The following FAM13B variants were observed in gnomAD, a reference collection of about 807,000 sequenced individuals.
FAM13B encodes family with sequence similarity 13 member B.
FAM13B carries 60 observed loss-of-function variants against 117.3 expected under a neutral mutation model. The ratio of observed to expected loss-of-function variants is 0.51; its 90% CI spans 0.42 to 0.63. FAM13B has a LOEUF of 0.63. Ranked by LOEUF, FAM13B falls within the 30% of genes least tolerant of loss-of-function variation. FAM13B has a pLI of 0.00. For missense variants in FAM13B, 972 were observed against 1,091.9 expected (o/e 0.89, Z 1.55); for synonymous variants, 332 against 356.1 (o/e 0.93, Z 0.76).
At chr5:137,953,136 C>T (rs530758712) in intron 16 of FAM13B, among the ~76,000 whole-genome samples, 200 bp downstream of exon 16, 1 of 152,146 alleles carries the variant, frequency 6.6e-6, no homozygotes. Flanking sequence ...AAAGATGCCA[C>T]GGTGCAAATG....
chr5:137,988,386 G>T, intron 7 of FAM13B, 71 bp from the exon 8 acceptor site: 1 of 1,254,606 alleles, frequency 8.0e-7, no homozygotes. Flanking sequence ...GCTGAAATCT[G>T]CCATATTTGC....
At chr5:138,040,562 C>T (rs1478465763) in intron 1 of FAM13B, among the ~76,000 whole-genome samples, 2 of 150,580 alleles carry the variant, frequency 1.3e-5, no homozygotes, top group African/African-American at 2.4e-5. Flanking sequence ...ACGTAGACAC[C>T]GTCTCAAAAA....
At chr5:138,010,471 A>G (rs1040167762) in intron 6 of FAM13B, among the ~76,000 whole-genome samples, 14 of 152,226 alleles carry the variant, frequency 9.2e-5, no homozygotes, top group African/African-American at 3.1e-4. Context: ...TTAAAAGATT[A>G]TAATGTAACC....
intron 22 of FAM13B, chr5:137,942,358 TTTTA>T (rs955349054): frequency 6.9e-6 from 2 of 291,402 alleles, no homozygotes; most frequent in African/African-American, 2.2e-5. Context: ...AACTGTAGGA[TTTTA>T]TTTGTTTGTT....
chr5:137,966,486 TATAG>T (rs1316885782), intron 10 of FAM13B, among the ~76,000 whole-genome samples: 751 of 43,918 alleles, frequency 0.017, 1 homozygote, highest in African/African-American at 0.028. Flanking sequence ...TATATATATA[TATAG>T]AGAGAGAGAG....
At chr5:138,015,190 C>CA (rs1784967338) in intron 4 of FAM13B, among the ~76,000 whole-genome samples, 2 of 152,220 alleles carry the variant, frequency 1.3e-5, no homozygotes, top group East Asian at 1.9e-4. Context: ...CTCCCCATCA[C>CA]AAAAAATTAT....
chr5:138,030,717 C>G (rs934371686), intron 1 of FAM13B, among the ~76,000 whole-genome samples: 7 of 142,584 alleles, frequency 4.9e-5, no homozygotes, highest in African/African-American at 1.3e-4. Flanking sequence ...TCCGTCCCCC[C>G]CCCCCAAAAA....
chr5:138,051,462 G>A (rs1418135995), intron 1 of FAM13B, among the ~76,000 whole-genome samples: 1 of 152,172 alleles, frequency 6.6e-6, no homozygotes, highest in Non-Finnish European at 1.5e-5. Context: ...GGGACTTTAT[G>A]TATATTTTTA....
At chr5:138,002,664 ATT>A (rs70979561) in intron 7 of FAM13B, among the ~76,000 whole-genome samples, 4 of 120,306 alleles carry the variant, frequency 3.3e-5, no homozygotes, top group Non-Finnish European at 3.2e-5. Context: ...TGTTCCCTCT[ATT>A]TTTTTTTTTT....
At chr5:137,954,804 T>C (rs1475784330) in intron 14 of FAM13B, among the ~76,000 whole-genome samples, 1 of 151,978 alleles carries the variant, frequency 6.6e-6, no homozygotes, top group Non-Finnish European at 1.5e-5. Flanking sequence ...TTGTTGTTGG[T>C]AGAGACGAGG....
intron 10 of FAM13B, among the ~76,000 whole-genome samples, chr5:137,985,003 T>A (rs554541775): frequency 2.0e-5 from 3 of 152,114 alleles, no homozygotes; most frequent in African/African-American, 7.2e-5. Context: ...TCTCCTGACC[T>A]CATGATCTGC....
At chr5:138,037,509 T>A (rs1227210484), upstream of FAM13B, among the ~76,000 whole-genome samples, 2 of 151,670 alleles carry the variant, frequency 1.3e-5, no homozygotes, top group Non-Finnish European at 2.9e-5. Flanking sequence ...GAAGTAGCTG[T>A]CTCTGCAGTT....
At chr5:138,023,625 A>T (rs925942360) in intron 1 of FAM13B, among the ~76,000 whole-genome samples, 1 of 152,128 alleles carries the variant, frequency 6.6e-6, no homozygotes, top group Non-Finnish European at 1.5e-5. Flanking sequence ...GTACAGTGGC[A>T]TATGCGATCA....
chr5:138,022,431 G>A (rs1222064902), intron 1 of FAM13B, among the ~76,000 whole-genome samples: 1 of 152,144 alleles, frequency 6.6e-6, no homozygotes, highest in African/African-American at 2.4e-5. Context: ...GTAAGCAGAA[G>A]AGTAATATTA....
chr5:138,050,823 T>C (rs1235213493), intron 1 of FAM13B, among the ~76,000 whole-genome samples: 1 of 152,218 alleles, frequency 6.6e-6, no homozygotes, highest in Non-Finnish European at 1.5e-5. Flanking sequence ...AACTATGATG[T>C]TGAGTCTAGA....
chr5:137,976,000 C>T (rs1773856594), intron 10 of FAM13B, among the ~76,000 whole-genome samples: 1 of 4,718 alleles, frequency 2.1e-4, no homozygotes, highest in South Asian at 3.9e-3. Context: ...TTTTTTGAGA[C>T]AGTCTTGCTC....
Position 138,032,980 on chromosome 5 carries a change from G to A in FAM13B, c.-401C>T, listed in dbSNP as rs192772276. On this transcript the variant is annotated 5_prime_UTR_variant, in exon 1 of 24. Coordinates refer to ENST00000689681, the MANE Select transcript of FAM13B (RefSeq NM_001385994.1). ...AAGCGACCCCCCGGATACCCCCGGC[G>A]GTGGTGGCGACGCAGACGCGGAACA... The A allele has an allele frequency of 2.0e-6, 2 of 986,534 alleles. No individual in the cohort carries two copies. The highest frequency in any genetic ancestry group is 2.3e-4 in the East Asian group (2 of 8,832). 61.1% of individuals were successfully genotyped at this position (986,534 alleles called of 1,614,324 possible). A position where few individuals can be genotyped will look rare whatever the true frequency, so the allele number is the denominator to read the frequency against.
chr5:138,008,041 C>T (rs917179760), intron 6 of FAM13B, among the ~76,000 whole-genome samples: 3 of 152,176 alleles, frequency 2.0e-5, no homozygotes, highest in Admixed American at 6.5e-5. Flanking sequence ...AATACAGTTA[C>T]TAGAATACTA....
chr5:137,988,181 T>C (rs1777703713), intron 8 of FAM13B, 93 bp downstream of exon 8: 3 of 975,240 alleles, frequency 3.1e-6, no homozygotes, highest in Non-Finnish European at 4.5e-6. Flanking sequence ...CAGTCTTTCC[T>C]CTAAAGTGAG....
Sources: gnomAD v4.1 joint callset for allele counts (sites outside exome capture counted in the v4.1 genomes callset) on GRCh38, gnomAD v4.1.1 for gene constraint, MANE v1.5 for transcripts, NCBI Gene and HGNC (gene_info 2026-07-23, HGNC 2026-07-21) for gene names.